The following PCDHGB5 variants were observed in gnomAD, a reference collection of about 807,000 sequenced individuals.
PCDHGB5 encodes the protein protocadherin gamma subfamily B, 5, also known as protocadherin gamma-B5.
PCDHGB5 carries 48 observed loss-of-function variants against 62.9 expected under a neutral mutation model. The observed-to-expected ratio is 0.76, with a 90% CI of 0.61 to 0.97. PCDHGB5 has a LOEUF of 0.97. PCDHGB5 is among the 50% of genes least tolerant of loss of function. The probability of loss-of-function intolerance (pLI) is 0.00; values close to 1 mark genes in which losing one functional copy is unlikely to be tolerated. For synonymous variants in PCDHGB5, 474 were observed against 511.2 expected, an observed-to-expected ratio of 0.93 and a Z score of 0.98; for missense variants, 1,118 against 1,198.6, an observed-to-expected ratio of 0.93 and a Z score of 0.99.
intron 1 of PCDHGB5, chr5:141,414,659 T>A (rs566999623): frequency 6.2e-7 from 1 of 1,614,010 alleles, no homozygotes; most frequent in South Asian, 1.1e-5. Flanking sequence ...ATTTACTCCC[T>A]GGCTGAAGAC....
intron 1 of PCDHGB5, chr5:141,416,902 C>T (rs1364019748): frequency 1.3e-5 from 2 of 152,020 alleles, no homozygotes; most frequent in Non-Finnish European, 2.9e-5. Flanking sequence ...GGAAGGAAAG[C>T]ACACTCTTTA....
chr5:141,489,991 A>G lies in PCDHGB5; in HGVS notation c.2398-4816A>G, dbSNP rs1157441385. On this transcript the variant is annotated intron_variant, in intron 1 of 3. Coordinates refer to ENST00000617380, the MANE Select transcript of PCDHGB5 (RefSeq NM_018925.3). The surrounding 1 kb of genome is among the most constrained non-coding windows in gnomAD (Gnocchi z 4.5). Reference sequence around the variant, plus strand: ...CCAATCCTCAGTTCTACGTGTGGGAATCCCAGAGAATGCACCCATTGGTAC... The same window carrying G: ...CCAATCCTCAGTTCTACGTGTGGGAGTCCCAGAGAATGCACCCATTGGTAC... The G allele has an allele frequency of 6.2e-7, 1 of 1,614,228 alleles. No individual in the cohort carries two copies. Among genetic ancestry groups the G allele is most frequent in the South Asian group, 1.1e-5 (1 of 91,090 alleles).
chr5:141,458,513 GT>G (rs537551567), intron 1 of PCDHGB5, among the ~76,000 whole-genome samples: 34 of 146,056 alleles, frequency 2.3e-4, no homozygotes, highest in South Asian at 6.5e-4. Flanking sequence ...TTGACACTTT[GT>G]TTTTTTTTTT....
At chr5:141,401,278 G>A (rs1355696847) in intron 1 of PCDHGB5, among the ~76,000 whole-genome samples, 4 of 152,160 alleles carry the variant, frequency 2.6e-5, no homozygotes, top group African/African-American at 9.7e-5. Context: ...GCAGGTGGAG[G>A]TTGCGGTGAG....
At chr5:141,428,105 G>T in intron 1 of PCDHGB5, 4 of 1,608,184 alleles carry the variant, frequency 2.5e-6, no homozygotes, top group Non-Finnish European at 2.5e-6. Context: ...ACCACGTGCT[G>T]CAGGCCATCG....
intron 1 of PCDHGB5, chr5:141,413,279 TCTC>T (rs759727755): frequency 2.4e-5 from 39 of 1,613,826 alleles, no homozygotes; most frequent in Non-Finnish European, 3.1e-5. Flanking sequence ...GCCCGGCAGA[TCTC>T]CTACTCAATT....
intron 1 of PCDHGB5, among the ~76,000 whole-genome samples, chr5:141,483,875 AT>A (rs2154580008): frequency 6.6e-6 from 1 of 151,964 alleles, no homozygotes; most frequent in Admixed American, 6.6e-5. Context: ...ATCAGGATGG[AT>A]TTTTCTATTT....
intron 2 of PCDHGB5, among the ~76,000 whole-genome samples, chr5:141,497,175 A>T (rs2154592067): frequency 6.7e-6 from 1 of 150,262 alleles, no homozygotes; most frequent in East Asian, 1.9e-4. Context: ...AAATCACAGT[A>T]AGTTCTGAGA....
chr5:141,419,122 C>T (rs1418298635), intron 1 of PCDHGB5: 2 of 1,613,862 alleles, frequency 1.2e-6, no homozygotes, highest in African/African-American at 1.3e-5. Flanking sequence ...ACAACGTCAC[C>T]ATCGCAGCCA....
rs192227219 is a variant in PCDHGB5 at position 141,501,899 on chromosome 5, A to G, written c.2457-3494A>G. Among the ~76,000 whole-genome samples the G allele has an allele frequency of 1.0e-3, 159 of 152,024 alleles. 1 individual carries two copies. The highest frequency in any genetic ancestry group is 6.8e-3 in the Middle Eastern group (2 of 294). ...TACACTCCTGATCATCATGGTTCCA[A>G]CCCCACTGTTCCACTCAGCTTTGTT... is the stretch of plus-strand genomic sequence containing the variant. On this transcript the variant is annotated intron_variant, in intron 2 of 3. Transcript: ENST00000617380.
intron 1 of PCDHGB5, among the ~76,000 whole-genome samples, chr5:141,438,458 G>A (rs1462204360): frequency 6.6e-6 from 1 of 151,538 alleles, no homozygotes. Context: ...CAATGCTTGA[G>A]TTCAATTATT....
chr5:141,424,880 C>G (rs2096845847), intron 1 of PCDHGB5, among the ~76,000 whole-genome samples: 1 of 152,162 alleles, frequency 6.6e-6, no homozygotes, highest in Admixed American at 6.5e-5. Context: ...GGAAAGGAGA[C>G]TTATCTAGGG....
At position 141,399,412 on chromosome 5, in the gene PCDHGB5, T is replaced by A; in HGVS notation, c.1285T>A (p.Ser429Thr). Residue 429 changes from serine to threonine, a missense_variant, in exon 1 of 4, where the codon TCC becomes ACC. Physicochemically the swap from Ser to Thr is moderately conservative, Grantham distance 58 (BLOSUM62 1). Around this residue, in one of 2 missense-constraint regions of PCDHGB5, gnomAD observed 1,034 missense variants for 1,029.1 expected, o/e 1.00. Coordinates refer to ENST00000617380, the MANE Select transcript of PCDHGB5 (RefSeq NM_018925.3). ...CACAGACAGGGGCAAGCCGCCCCTCTCCTCCAGCATAAGCGTCATCCTACA... is the reference window on the plus strand; with the variant it reads ...CACAGACAGGGGCAAGCCGCCCCTCACCTCCAGCATAAGCGTCATCCTACA... The part of the protein sequence containing the change: ...TATDRGKPPL[S>T]SSISVILHIR... The A allele has an allele frequency of 6.2e-7, 1 of 1,613,948 alleles. No individual in the cohort carries two copies. Among genetic ancestry groups the A allele is most frequent in the Non-Finnish European group, 8.5e-7 (1 of 1,179,880 alleles).
At position 141,486,460 on chromosome 5, in the gene PCDHGB5, T is replaced by A. The variant is rs1218788640; in HGVS notation, c.2398-8347T>A. 6.2e-7 allele frequency: 1 copy of A among 1,614,146 alleles called. No individual in the cohort carries two copies. Among genetic ancestry groups the A allele is most frequent in the South Asian group, 1.1e-5 (1 of 91,082 alleles). On this transcript the variant is annotated intron_variant, in intron 1 of 3. Coordinates refer to ENST00000617380, the MANE Select transcript of PCDHGB5 (RefSeq NM_018925.3). The surrounding 1 kb of genome is among the most constrained non-coding windows in gnomAD (Gnocchi z 5.0). Reference sequence around the variant, plus strand: ...ATGACATCATGGTCACTGCTTCTGATGCTGGGAACCCTCCTCTCAGTACCC... The same window carrying A: ...ATGACATCATGGTCACTGCTTCTGAAGCTGGGAACCCTCCTCTCAGTACCC...
At chr5:141,409,559 G>A (rs1421541308) in intron 1 of PCDHGB5, 1 of 1,613,936 alleles carries the variant, frequency 6.2e-7, no homozygotes, top group Admixed American at 1.7e-5. Context: ...CCCAGTTTTC[G>A]ACCAGACGTC....
At position 141,510,839 on chromosome 5, in the gene PCDHGB5, C is replaced by G. The variant is rs186647886; in HGVS notation, c.2546-108C>G. The stretch of plus-strand genomic sequence containing the variant: ...CTATATTCCCAGTGCTCAGCGTGGT[C>G]AAGGCCCAGGGTGCTGTATAGGCAT... On this transcript the variant is annotated intron_variant, in intron 3 of 3. Coordinates refer to ENST00000617380, the MANE Select transcript of PCDHGB5 (RefSeq NM_018925.3). The G allele has an allele frequency of 6.5e-5, 103 of 1,587,108 alleles. No individual in the cohort carries two copies. The East Asian group carries it at 1.6e-3, about 25-fold the overall frequency.
At position 141,476,247 on chromosome 5, in the gene PCDHGB5, G is replaced by C. The variant is rs1439421662; in HGVS notation, c.2398-18560G>C. 1 of 1,614,042 alleles carries C rather than the reference G, an allele frequency of 6.2e-7. No individual in the cohort carries two copies. Among genetic ancestry groups the C allele is most frequent in the Non-Finnish European group, 8.5e-7 (1 of 1,180,010 alleles). ...GAGATCCCGGAGGAAAGAGAGAAGG[G>C]TTTCGCTGTGGGCAACGTGGTCGCG... On this transcript the variant is annotated intron_variant, in intron 1 of 3. Coordinates refer to ENST00000617380, the MANE Select transcript of PCDHGB5 (RefSeq NM_018925.3). The surrounding 1 kb of genome is among the most constrained non-coding windows in gnomAD (Gnocchi z 7.6).
intron 1 of PCDHGB5, among the ~76,000 whole-genome samples, chr5:141,436,923 T>C (rs2097854286): frequency 6.6e-6 from 1 of 152,224 alleles, no homozygotes; most frequent in African/African-American, 2.4e-5. Flanking sequence ...GAGTGTTACT[T>C]TTTCTTTGTC....
chr5:141,476,837 G>A lies in PCDHGB5; in HGVS notation c.2398-17970G>A, dbSNP rs1160244271. 4 of 1,613,534 alleles carry A rather than the reference G, an allele frequency of 2.5e-6. No individual in the cohort carries two copies. The highest frequency in any genetic ancestry group is 3.4e-6 in the Non-Finnish European group (4 of 1,180,054). On this transcript the variant is annotated intron_variant, in intron 1 of 3. Coordinates refer to ENST00000617380, the MANE Select transcript of PCDHGB5 (RefSeq NM_018925.3). The surrounding 1 kb of genome is among the most constrained non-coding windows in gnomAD (Gnocchi z 7.6). Reference sequence around the variant, plus strand: ...CAAGGTGCTGGACGCGAATGACAATGCGCCTGTCTTCAACCAGTCCTTGTA... The same window carrying A: ...CAAGGTGCTGGACGCGAATGACAATACGCCTGTCTTCAACCAGTCCTTGTA...
Sources: allele counts gnomAD v4.1 joint callset (sites outside exome capture counted in the v4.1 genomes callset), GRCh38; gene constraint gnomAD v4.1.1; regional missense constraint gnomAD v4.1.1; non-coding constraint Gnocchi (gnomAD v3.1); transcripts MANE v1.5; gene names NCBI Gene and HGNC (gene_info 2026-07-23, HGNC 2026-07-21).